GABRA4: variants seen among roughly 807,000 people sequenced by gnomAD.
The protein encoded by GABRA4 is gamma-aminobutyric acid type A receptor subunit alpha4.
In GABRA4, 12 loss-of-function variants were observed where a neutral mutation model predicts 49.7. The observed-to-expected ratio is 0.24, with a 90% CI of 0.15 to 0.39. The LOEUF (loss-of-function observed/expected upper bound fraction) is 0.39, where lower values mean the gene tolerates loss of function less well. Among genes scored for constraint, GABRA4 ranks in the 10% least tolerant of loss-of-function variants. The pLI is 1.00. For synonymous variants in GABRA4, 288 were observed against 240.2 expected (o/e 1.20, Z -1.84); for missense variants, 506 against 686.0 (o/e 0.74, Z 2.93).
At chr4:46,986,019 G>C (rs1051641345) in intron 2 of GABRA4, among the ~76,000 whole-genome samples, 2 of 151,570 alleles carry the variant, frequency 1.3e-5, no homozygotes, top group African/African-American at 4.8e-5. Flanking sequence ...TATTATATTT[G>C]AACTTCTGAA....
Position 46,977,549 on chromosome 4 carries a change from A to G in GABRA4, c.355T>C (p.Leu119=). The part of the protein sequence containing the change: ...KYDGPIEILR[L]NNMMVTKVWT... ...ACTTTCGTTACCATCATATTGTTCAATCTCAAAATTTCAATGGGGCCGTCA... is the reference window on the plus strand; with the variant it reads ...ACTTTCGTTACCATCATATTGTTCAGTCTCAAAATTTCAATGGGGCCGTCA... The change falls in exon 4 of 9, where the codon TTG becomes CTG. Residue 119 remains leucine (L), a synonymous_variant. Transcript: ENST00000264318. 1 of 1,613,156 alleles carries G rather than the reference A, an allele frequency of 6.2e-7. No individual in the cohort carries two copies. The highest frequency in any genetic ancestry group is 8.5e-7 in the Non-Finnish European group (1 of 1,179,482).
At chr4:46,950,082 T>A in intron 8 of GABRA4, among the ~76,000 whole-genome samples, 1 of 152,094 alleles carries the variant, frequency 6.6e-6, no homozygotes, top group East Asian at 1.9e-4. Flanking sequence ...GAAAGCATGT[T>A]AACATTTTTC....
intron 8 of GABRA4, among the ~76,000 whole-genome samples, chr4:46,933,709 G>A (rs1049775488): frequency 2.0e-5 from 3 of 152,156 alleles, no homozygotes; most frequent in Non-Finnish European, 4.4e-5. Context: ...TAATGTGTCA[G>A]AGTGATGTTG....
In GABRA4 at chr4:46,928,780, A is replaced by T. The variant is rs776540730; in HGVS notation, c.1135-25T>A. On this transcript the variant is annotated intron_variant, in intron 8 of 8. Coordinates refer to ENST00000264318, the MANE Select transcript of GABRA4 (RefSeq NM_000809.4). ...TCTGAAAAGGTATATGAAAAAATAT[A>T]TTGGTTATGTAACTTTATGCAGATT... The T allele has an allele frequency of 2.0e-6, 3 of 1,498,272 alleles. No homozygotes were observed. In the South Asian group the frequency reaches 3.6e-5, roughly 18 times the overall value. The allele number at this position is 1,498,272 out of a possible 1,614,324, so 92.8% of individuals were successfully genotyped here. A position where few individuals can be genotyped will look rare whatever the true frequency, so the allele number is the denominator to read the frequency against.
At chr4:46,977,228 G>T in intron 4 of GABRA4, 85 bp from the exon 5 acceptor site, 2 of 771,404 alleles carry the variant, frequency 2.6e-6, no homozygotes, top group Non-Finnish European at 4.0e-6. Flanking sequence ...AGGAAGGGAG[G>T]GAAGGAGGAA....
intron 7 of GABRA4, 77 bp from the exon 8 acceptor site, chr4:46,965,306 A>T: frequency 8.0e-7 from 1 of 1,250,612 alleles, no homozygotes; most frequent in Non-Finnish European, 1.1e-6. Context: ...ACCAACAAAA[A>T]CCTAGAAAAT....
chr4:46,965,063 T>A lies in GABRA4; in HGVS notation c.1041A>T (p.Gln347His). The change falls in exon 8 of 9, where the codon CAA (glutamine) becomes CAT (histidine). Residue 347 changes from glutamine (Q) to histidine (H), a missense_variant. Physicochemically the swap from Gln to His is conservative, Grantham distance 24. Transcript: ENST00000264318. The stretch of plus-strand genomic sequence containing the variant: ...ATGTCTTCCTTTTGGCTTTTTCCAT[T>A]TGAATATTGGTGAAATAGTTGACAG... ...FAAVNYFTNI[Q>H]MEKAKRKTSK... 1 of 1,612,058 alleles carries A rather than the reference T, an allele frequency of 6.2e-7. No individual in the cohort carries two copies. Among genetic ancestry groups the A allele is most frequent in the Non-Finnish European group, 8.5e-7 (1 of 1,178,798 alleles).
At chr4:46,970,353 C>T (rs1036572198) in intron 7 of GABRA4, among the ~76,000 whole-genome samples, 2 of 151,306 alleles carry the variant, frequency 1.3e-5, no homozygotes, top group African/African-American at 4.8e-5. Flanking sequence ...GCTTTTGTTA[C>T]TCACAATGAA....
At chr4:46,934,728 G>C (rs941423722) in intron 8 of GABRA4, among the ~76,000 whole-genome samples, 1 of 152,120 alleles carries the variant, frequency 6.6e-6, no homozygotes, top group Non-Finnish European at 1.5e-5. Context: ...CTTTAAGATA[G>C]GTGACTTTGT....
intron 6 of GABRA4, among the ~76,000 whole-genome samples, chr4:46,973,266 G>C (rs910090045): frequency 2.6e-5 from 4 of 151,730 alleles, no homozygotes; most frequent in Non-Finnish European, 4.4e-5. Flanking sequence ...GTAATAATAG[G>C]AGGTTGGCTT....
intron 8 of GABRA4, among the ~76,000 whole-genome samples, chr4:46,938,244 A>C (rs1241053784): frequency 6.6e-6 from 1 of 152,124 alleles, no homozygotes; most frequent in Non-Finnish European, 1.5e-5. Context: ...ATTACATTCA[A>C]ACTCAGACAA....
chr4:46,959,511 T>C (rs1271881075), intron 8 of GABRA4, among the ~76,000 whole-genome samples: 6 of 151,868 alleles, frequency 4.0e-5, no homozygotes, highest in African/African-American at 1.4e-4. Flanking sequence ...ACACAGCATG[T>C]GGATCATGCT....
At chr4:46,967,133 T>A (rs1172716175) in intron 7 of GABRA4, among the ~76,000 whole-genome samples, 1 of 151,720 alleles carries the variant, frequency 6.6e-6, no homozygotes, top group Non-Finnish European at 1.5e-5. Context: ...GTATTAAGAA[T>A]TCAAAAATGT....
rs1322952204 is a variant in GABRA4 at position 46,993,577 on chromosome 4, C to T, written c.-153G>A. The T allele has an allele frequency of 9.7e-6, 7 of 722,092 alleles. No individual in the cohort carries two copies. In the East Asian group the frequency reaches 1.7e-4, roughly 17 times the overall value. 44.7% of individuals were successfully genotyped at this position (722,092 alleles called of 1,614,324 possible). ...CTCAGCCAGCCCGAGCCGCGGTGGG[C>T]GTGTGTGTGCACGGGGCCAGGGGAG... is the stretch of plus-strand genomic sequence containing the variant. On this transcript the variant is annotated 5_prime_UTR_variant, in exon 1 of 9. Coordinates refer to ENST00000264318, the MANE Select transcript of GABRA4 (RefSeq NM_000809.4).
At chr4:46,941,983 C>T (rs1577752582) in intron 8 of GABRA4, among the ~76,000 whole-genome samples, 1 of 152,060 alleles carries the variant, frequency 6.6e-6, no homozygotes, top group African/African-American at 2.4e-5. Context: ...ATATAGCATG[C>T]TAAAATTTAT....
chr4:46,948,613 G>A (rs765840594), intron 8 of GABRA4, among the ~76,000 whole-genome samples: 5 of 151,854 alleles, frequency 3.3e-5, no homozygotes, highest in African/African-American at 4.8e-5. Flanking sequence ...TACTGAATTC[G>A]GTCTATCAAG....
rs1171747253 is a variant in GABRA4 at position 46,918,997 on chromosome 4, C to T, written c.*9228G>A. On this transcript the variant is annotated 3_prime_UTR_variant, in exon 9 of 9. Coordinates refer to ENST00000264318, the MANE Select transcript of GABRA4 (RefSeq NM_000809.4). Reference sequence around the variant, plus strand: ...ATTTTAATAATTCCAGAGTTTAGCTCCAACACATTTATCTTAAAATATAAG... The same window carrying T: ...ATTTTAATAATTCCAGAGTTTAGCTTCAACACATTTATCTTAAAATATAAG... 1 of 151,418 alleles carries T rather than the reference C, an allele frequency of 6.6e-6. No homozygotes were observed. The highest frequency in any genetic ancestry group is 2.4e-5 in the African/African-American group (1 of 41,350). The allele number at this position is 151,418 out of a possible 1,614,324, so 9.4% of individuals were successfully genotyped here.
chr4:46,979,208 A>G (rs915954330), intron 2 of GABRA4, 110 bp from the exon 3 acceptor site: 3 of 656,458 alleles, frequency 4.6e-6, no homozygotes, highest in Non-Finnish European at 8.0e-6. Flanking sequence ...TGTTTTTACA[A>G]GCATCTTACA....
At position 46,924,857 on chromosome 4, in the gene GABRA4, C is replaced by A. The variant is rs1265962719; in HGVS notation, c.*3368G>T. On this transcript the variant is annotated 3_prime_UTR_variant, in exon 9 of 9. Transcript: ENST00000264318. Reference sequence around the variant, plus strand: ...AAAAGCTCTTAGATATTACATAATCCACCTCCTCCCTGTTATAAATGAGGA... The same window carrying A: ...AAAAGCTCTTAGATATTACATAATCAACCTCCTCCCTGTTATAAATGAGGA... The A allele has an allele frequency of 6.6e-6, 1 of 151,876 alleles. No individual in the cohort carries two copies. The highest frequency in any genetic ancestry group is 1.5e-5 in the Non-Finnish European group (1 of 67,892). The allele number at this position is 151,876 out of a possible 1,614,324, so 9.4% of individuals were successfully genotyped here.
Sources: gnomAD v4.1 joint callset for allele counts (sites outside exome capture counted in the v4.1 genomes callset) on GRCh38, gnomAD v4.1.1 for gene constraint, MANE v1.5 for transcripts, NCBI Gene and HGNC (gene_info 2026-07-23, HGNC 2026-07-21) for gene names.